Variants in PBX1 observed in about 807,000 individuals in gnomAD.
PBX1 encodes PBX homeobox 1.
Under a neutral mutation model 53.4 loss-of-function variants are expected in PBX1, and 6 were observed. The observed-to-expected ratio is 0.11, with a 90% CI of 0.06 to 0.22. The LOEUF (loss-of-function observed/expected upper bound fraction) is 0.22, where lower values mean the gene tolerates loss of function less well. Among genes scored for constraint, PBX1 ranks in the 10% least tolerant of loss-of-function variants. PBX1 has a pLI of 1.00. For missense variants in PBX1, 251 were observed against 551.4 expected (o/e 0.46, Z 5.46); for synonymous variants, 204 against 212.3 (o/e 0.96, Z 0.34).
intron 2 of PBX1, among the ~76,000 whole-genome samples, chr1:164,635,229 A>G (rs1332120177): frequency 6.6e-6 from 1 of 152,122 alleles, no homozygotes; most frequent in Non-Finnish European, 1.5e-5. Flanking sequence ...TTCTTAATCC[A>G]AGAGAGGAGC....
At chr1:164,763,089 C>G (rs1237018320) in intron 2 of PBX1, among the ~76,000 whole-genome samples, 1 of 152,102 alleles carries the variant, frequency 6.6e-6, no homozygotes, top group Non-Finnish European at 1.5e-5. Context: ...GTTAAACAGT[C>G]AAAATCACAA....
At chr1:164,654,818 A>G (rs756263014) in intron 2 of PBX1, among the ~76,000 whole-genome samples, 3 of 152,208 alleles carry the variant, frequency 2.0e-5, no homozygotes, top group African/African-American at 7.2e-5. Flanking sequence ...GCATTTCTCT[A>G]TTCATTCAGC....
intron 8 of PBX1, among the ~76,000 whole-genome samples, chr1:164,838,427 G>A (rs1162571347): frequency 3.3e-5 from 5 of 152,168 alleles, no homozygotes; most frequent in Non-Finnish European, 1.5e-5. Context: ...TAGAATCCTC[G>A]GACTTTTCTG....
At chr1:164,562,266 C>T (rs995630997) in intron 1 of PBX1, among the ~76,000 whole-genome samples, 1 of 152,044 alleles carries the variant, frequency 6.6e-6, no homozygotes, top group African/African-American at 2.4e-5. Flanking sequence ...AAAAGAATTG[C>T]ATGTGTTTTG....
chr1:164,848,363 G>T lies in PBX1; in HGVS notation c.*1687G>T. 2 of 1,057,008 alleles carry T rather than the reference G, an allele frequency of 1.9e-6. No individual in the cohort carries two copies. Among genetic ancestry groups the T allele is most frequent in the Non-Finnish European group, 2.3e-6 (2 of 874,102 alleles). The allele number at this position is 1,057,008 out of a possible 1,614,324, so 65.5% of individuals were successfully genotyped here. ...GGTGCCTCATTTTCTTCATCTGTGA[G>T]ATGGGAACTGTTATGCCTGGCTTAC... On this transcript the variant is annotated 3_prime_UTR_variant, in exon 9 of 9. Transcript: ENST00000420696.
At chr1:164,852,943 G>A (rs1351677902), downstream of PBX1, among the ~76,000 whole-genome samples, 4 of 152,172 alleles carry the variant, frequency 2.6e-5, 1 homozygote, top group East Asian at 7.7e-4. Context: ...TGGAAAATTA[G>A]GGGCTAACTC....
intron 2 of PBX1, chr1:164,641,669 C>T (rs891758823): frequency 2.6e-5 from 4 of 152,178 alleles, no homozygotes; most frequent in Non-Finnish European, 4.4e-5. Flanking sequence ...TCAAGGCTAA[C>T]GTGTCTTTTT....
intron 2 of PBX1, among the ~76,000 whole-genome samples, chr1:164,613,039 A>G (rs1657037699): frequency 6.6e-6 from 1 of 152,170 alleles, no homozygotes; most frequent in Non-Finnish European, 1.5e-5. Context: ...CTGTATGAGA[A>G]TTTCCTGAAC....
chr1:164,687,013 C>T (rs1662143231), intron 2 of PBX1, among the ~76,000 whole-genome samples: 1 of 151,802 alleles, frequency 6.6e-6, no homozygotes, highest in African/African-American at 2.4e-5. Context: ...GATGCATTGA[C>T]CTTTCGTAAT....
chr1:164,625,170 A>G (rs1390750604), intron 2 of PBX1, among the ~76,000 whole-genome samples: 2 of 152,178 alleles, frequency 1.3e-5, no homozygotes, highest in Non-Finnish European at 2.9e-5. Flanking sequence ...TAAAATGCCA[A>G]AAAGAGGGAG....
intron 2 of PBX1, among the ~76,000 whole-genome samples, chr1:164,611,404 A>AT (rs1048484940): frequency 6.6e-6 from 1 of 151,604 alleles, no homozygotes; most frequent in Admixed American, 6.6e-5. Context: ...CGCCCGGCTA[A>AT]TTTTTTTGTA....
At chr1:164,744,370 A>C (rs190985626) in intron 2 of PBX1, among the ~76,000 whole-genome samples, 1 of 152,356 alleles carries the variant, frequency 6.6e-6, no homozygotes, top group East Asian at 1.9e-4. Context: ...ACTACCAAAG[A>C]ATTTCCAACC....
chr1:164,573,569 G>A (rs1349112522), intron 2 of PBX1, among the ~76,000 whole-genome samples: 1 of 144,166 alleles, frequency 6.9e-6, no homozygotes, highest in East Asian at 2.0e-4. Context: ...TCGGCTCACT[G>A]CAACCTCTGC....
At chr1:164,809,265 C>T (rs1283877429) in intron 5 of PBX1, among the ~76,000 whole-genome samples, 1 of 152,104 alleles carries the variant, frequency 6.6e-6, no homozygotes, top group African/African-American at 2.4e-5. Context: ...AGTTAAAATC[C>T]TGATCTGTTC....
At chr1:164,660,669 GACAGA>G (rs1321617743) in intron 2 of PBX1, among the ~76,000 whole-genome samples, 2 of 152,174 alleles carry the variant, frequency 1.3e-5, no homozygotes, top group Non-Finnish European at 2.9e-5. Context: ...TTTCTTGGTT[GACAGA>G]ACAGAGCAGC....
chr1:164,591,983 T>C (rs1313876125), intron 2 of PBX1, among the ~76,000 whole-genome samples: 2 of 152,218 alleles, frequency 1.3e-5, no homozygotes, highest in African/African-American at 2.4e-5. Context: ...GTGGCACTTT[T>C]GGCAAGTTGA....
At chr1:164,869,347 G>A (rs748503078) in intron 2 of PBX1, among the ~76,000 whole-genome samples, 1 of 152,208 alleles carries the variant, frequency 6.6e-6, no homozygotes, top group Non-Finnish European at 1.5e-5. Flanking sequence ...GCCTGGATAA[G>A]CTCCCAGGCC....
chr1:164,758,250 C>T (rs1482994092), intron 2 of PBX1, among the ~76,000 whole-genome samples: 2 of 152,162 alleles, frequency 1.3e-5, no homozygotes. Flanking sequence ...GATTATTTTA[C>T]CACTTCAATG....
intron 2 of PBX1, among the ~76,000 whole-genome samples, chr1:164,612,530 C>G (rs1179855676): frequency 1.3e-5 from 2 of 152,140 alleles, no homozygotes; most frequent in Non-Finnish European, 1.5e-5. Flanking sequence ...CTGGCTATGG[C>G]TTCCTTTTAC....
Sources: allele counts gnomAD v4.1 joint callset (sites outside exome capture counted in the v4.1 genomes callset), GRCh38; gene constraint gnomAD v4.1.1; transcripts MANE v1.5; gene names NCBI Gene and HGNC (gene_info 2026-07-23, HGNC 2026-07-21).